ADAM10: variants seen among roughly 807,000 people sequenced by gnomAD.
ADAM10 encodes the protein disintegrin and metalloproteinase domain-containing protein 10.
ADAM10 carries 17 observed loss-of-function variants against 90.1 expected under a neutral mutation model. That is an observed-to-expected ratio of 0.19 (90% CI 0.13 to 0.28). The LOEUF (loss-of-function observed/expected upper bound fraction) is 0.28. Ranked by LOEUF, ADAM10 falls within the 10% of genes least tolerant of loss-of-function variation. The pLI is 1.00. For synonymous variants in ADAM10, 310 were observed against 298.6 expected (o/e 1.04, Z -0.40); for missense variants, 610 against 914.3 (o/e 0.67, Z 4.29).
chr15:58,686,071 C>T (rs1228821283), intron 2 of ADAM10, among the ~76,000 whole-genome samples: 1 of 152,074 alleles, frequency 6.6e-6, no homozygotes, highest in African/African-American at 2.4e-5. Context: ...AAGGAAGGTG[C>T]AACAATGAGA....
Position 58,595,059 on chromosome 15 carries a change from C to A in ADAM10, c.*2488G>T, listed in dbSNP as rs370472923. 1 of 151,984 alleles carries A rather than the reference C, an allele frequency of 6.6e-6. No individual in the cohort carries two copies. The highest frequency in any genetic ancestry group is 2.1e-4 in the South Asian group (1 of 4,810). 9.4% of individuals were successfully genotyped at this position (151,984 alleles called of 1,614,324 possible). On this transcript the variant is annotated 3_prime_UTR_variant, in exon 16 of 16. Coordinates refer to ENST00000260408, the MANE Select transcript of ADAM10 (RefSeq NM_001110.4). ...TAAACAAACTTATCATTAAACTAGG[C>A]TTTTTAAAATAAATGAGGTACTTAG...
At chr15:58,720,286 G>A (rs1898802779) in intron 1 of ADAM10, among the ~76,000 whole-genome samples, 1 of 152,130 alleles carries the variant, frequency 6.6e-6, no homozygotes, top group East Asian at 1.9e-4. Flanking sequence ...TGAGAAGAAT[G>A]AGTCCAAAAC....
chr15:58,630,327 GAACTGACTTCCTAGCGGAGGAAAGTTTT>G (rs1260544683), intron 9 of ADAM10, among the ~76,000 whole-genome samples: 1 of 152,166 alleles, frequency 6.6e-6, no homozygotes, highest in Admixed American at 6.5e-5. Flanking sequence ...ACATGGGAAG[GAACTGACTTCCTAGCGGAGGAAAGTTTT>G]AAAGGTCTGT....
chr15:58,743,605 T>C (rs1774416639), intron 1 of ADAM10, among the ~76,000 whole-genome samples: 1 of 151,202 alleles, frequency 6.6e-6, no homozygotes, highest in South Asian at 2.1e-4. Context: ...TTAAACAAAA[T>C]ACTTTTTTTT....
At chr15:58,700,913 A>C (rs1447112960) in intron 2 of ADAM10, among the ~76,000 whole-genome samples, 1 of 151,426 alleles carries the variant, frequency 6.6e-6, no homozygotes, top group Non-Finnish European at 1.5e-5. Context: ...GCTGAGGTGG[A>C]AGGACTGCTT....
At chr15:58,612,257 G>C (rs566705004) in intron 11 of ADAM10, among the ~76,000 whole-genome samples, 259 of 152,306 alleles carry the variant, frequency 1.7e-3, no homozygotes, top group African/African-American at 5.9e-3. Context: ...ACACCCTGCA[G>C]GGTATGAGAT....
intron 14 of ADAM10, among the ~76,000 whole-genome samples, chr15:58,602,026 G>C (rs558894117): frequency 6.6e-6 from 1 of 152,064 alleles, no homozygotes; most frequent in Non-Finnish European, 1.5e-5. Context: ...CATGATTCTT[G>C]TTTCTCTTTT....
chr15:58,698,064 G>A (rs1898024906), intron 2 of ADAM10, among the ~76,000 whole-genome samples: 1 of 152,044 alleles, frequency 6.6e-6, no homozygotes, highest in African/African-American at 2.4e-5. Flanking sequence ...GGGAAGAAGT[G>A]ACTGTTATAC....
chr15:58,691,402 A>T, intron 2 of ADAM10: 1 of 741,586 alleles, frequency 1.3e-6, no homozygotes, highest in Non-Finnish European at 2.5e-6. Context: ...TGCTCCACAA[A>T]AGCAGAGTTG....
At chr15:58,731,561 G>A (rs939671578) in intron 1 of ADAM10, among the ~76,000 whole-genome samples, 11 of 152,288 alleles carry the variant, frequency 7.2e-5, no homozygotes, top group South Asian at 2.1e-4. Flanking sequence ...CCACGAAGTC[G>A]AGGCTGGGGT....
chr15:58,737,175 A>G (rs570536614), intron 1 of ADAM10, among the ~76,000 whole-genome samples: 1 of 152,224 alleles, frequency 6.6e-6, no homozygotes, highest in African/African-American at 2.4e-5. Flanking sequence ...TCCGCCTTTT[A>G]AAAAATTATT....
Position 58,691,330 on chromosome 15 carries a change from G to A in ADAM10, c.207-9016C>T, listed in dbSNP as rs751691416. 10 of 1,197,006 alleles carry A rather than the reference G, an allele frequency of 8.4e-6. No homozygotes were observed. The East Asian group carries it at 1.2e-4, about 14-fold the overall frequency. 74.1% of individuals were successfully genotyped at this position (1,197,006 alleles called of 1,614,324 possible). A position where few individuals can be genotyped will look rare whatever the true frequency, so the allele number is the denominator to read the frequency against. On this transcript the variant is annotated intron_variant, in intron 2 of 15. Transcript: ENST00000260408. The stretch of plus-strand genomic sequence containing the variant: ...TTCCCATCAAATTCCTTGAGCTGCT[G>A]CACACAGTACTCATCAATGGGCTCA...
intron 1 of ADAM10, among the ~76,000 whole-genome samples, chr15:58,720,834 A>G (rs1312612991): frequency 6.6e-6 from 1 of 152,254 alleles, no homozygotes; most frequent in East Asian, 1.9e-4. Context: ...ATAATGGGGA[A>G]GAATGAGAAC....
intron 1 of ADAM10, among the ~76,000 whole-genome samples, chr15:58,722,841 C>G (rs1452454744): frequency 6.7e-6 from 1 of 149,212 alleles, no homozygotes; most frequent in Non-Finnish European, 1.5e-5. Flanking sequence ...AGGTGATTCT[C>G]CTACATCAGC....
intron 2 of ADAM10, among the ~76,000 whole-genome samples, chr15:58,685,545 A>AATATATATATATAT (rs56776777): frequency 4.2e-4 from 49 of 116,214 alleles, no homozygotes; most frequent in South Asian, 5.9e-4. Context: ...TATGAAGGAG[A>AATATATATATATAT]ATATATATAT....
chr15:58,707,937 C>T (rs1300591863), intron 2 of ADAM10, among the ~76,000 whole-genome samples: 2 of 151,918 alleles, frequency 1.3e-5, no homozygotes, highest in African/African-American at 2.4e-5. Context: ...ATTAGCCAGG[C>T]GTGGTGGTGA....
At chr15:58,721,678 A>T (rs1424602301) in intron 1 of ADAM10, among the ~76,000 whole-genome samples, 1 of 152,136 alleles carries the variant, frequency 6.6e-6, no homozygotes, top group Non-Finnish European at 1.5e-5. Context: ...TGAGTCCAGG[A>T]GTTCAAGACC....
intron 5 of ADAM10, 97 bp from the exon 6 acceptor site, chr15:58,646,301 T>C: frequency 8.2e-7 from 1 of 1,226,254 alleles, no homozygotes; most frequent in Non-Finnish European, 1.2e-6. Flanking sequence ...CATATTCTGC[T>C]TTATATAACA....
intron 8 of ADAM10, among the ~76,000 whole-genome samples, chr15:58,636,572 G>A (rs767496388): frequency 1.4e-4 from 21 of 152,168 alleles, no homozygotes; most frequent in Non-Finnish European, 2.1e-4. Context: ...AATGAGAAGG[G>A]TGAAACGTTT....
Sources: allele counts gnomAD v4.1 joint callset (sites outside exome capture counted in the v4.1 genomes callset), GRCh38; gene constraint gnomAD v4.1.1; transcripts MANE v1.5; gene names NCBI Gene and HGNC (gene_info 2026-07-23, HGNC 2026-07-21).